Variants in SDHB observed in about 807,000 individuals in gnomAD.
SDHB encodes the protein succinate dehydrogenase complex iron sulfur subunit B.
SDHB carries 21 observed loss-of-function variants against 39.7 expected under a neutral mutation model. The ratio of observed to expected loss-of-function variants is 0.53; its 90% CI spans 0.37 to 0.76. SDHB has a LOEUF of 0.76. Ranked by LOEUF, SDHB falls within the 30% of genes least tolerant of loss-of-function variation. The pLI, the probability that SDHB is intolerant of heterozygous loss-of-function variation, is 0.00. For missense variants in SDHB, 343 were observed against 350.9 expected, an observed-to-expected ratio of 0.98 and a Z score of 0.18; for synonymous variants, 118 against 117.0, an observed-to-expected ratio of 1.01 and a Z score of -0.06.
chr1:17,051,562 T>C (rs755749459), intron 1 of SDHB, among the ~76,000 whole-genome samples: 3 of 152,186 alleles, frequency 2.0e-5, no homozygotes, highest in Admixed American at 6.5e-5. Context: ...AAAAGTGTGA[T>C]TGGTGATGCT....
At chr1:17,037,305 T>TC in intron 2 of SDHB, among the ~76,000 whole-genome samples, 1 of 145,160 alleles carries the variant, frequency 6.9e-6, no homozygotes, top group South Asian at 2.1e-4. Flanking sequence ...TATTTTCTTT[T>TC]CTTTTTTTTT....
chr1:17,018,722 T>C lies in SDHB; in HGVS notation c.*159A>G, dbSNP rs75557632. On this transcript the variant is annotated 3_prime_UTR_variant, in exon 8 of 8. Transcript: ENST00000375499. ...CTGCGGCAAGTAAAGGAACAGGTTCTTTTTTTTTTGTTAATAAAGTAGAAT... is the reference window on the plus strand; with the variant it reads ...CTGCGGCAAGTAAAGGAACAGGTTCCTTTTTTTTTGTTAATAAAGTAGAAT... 4.4e-6 allele frequency: 2 copies of C among 459,486 alleles called. No individual in the cohort carries two copies. The highest frequency in any genetic ancestry group is 3.9e-6 in the Non-Finnish European group (1 of 256,438). The allele number at this position is 459,486 out of a possible 1,614,324, so 28.5% of individuals were successfully genotyped here. A position where few individuals can be genotyped will look rare whatever the true frequency, so the allele number is the denominator to read the frequency against.
chr1:17,024,282 T>C (rs2077980290), intron 5 of SDHB, among the ~76,000 whole-genome samples: 2 of 151,994 alleles, frequency 1.3e-5, no homozygotes, highest in African/African-American at 2.4e-5. Flanking sequence ...CTGCCCAGGG[T>C]TCTTAAATCC....
chr1:17,045,736 T>G (rs2101542670), intron 1 of SDHB, among the ~76,000 whole-genome samples: 1 of 152,342 alleles, frequency 6.6e-6, no homozygotes, highest in South Asian at 2.1e-4. Flanking sequence ...GTGGTGTTTA[T>G]TACTGAGGCA....
At chr1:17,040,847 C>T (rs1042730756) in intron 2 of SDHB, among the ~76,000 whole-genome samples, 3 of 151,588 alleles carry the variant, frequency 2.0e-5, no homozygotes, top group South Asian at 2.1e-4. Context: ...CAGATAATTT[C>T]GGCCGGGCAT....
chr1:17,028,869 G>T, intron 3 of SDHB, 133 bp from the exon 4 acceptor site: 1 of 1,102,284 alleles, frequency 9.1e-7, no homozygotes, highest in Non-Finnish European at 1.4e-6. Flanking sequence ...TGACAGAGGT[G>T]CCTGTTGGCT....
chr1:17,052,397 A>C (rs1021620628), intron 1 of SDHB: 2 of 152,210 alleles, frequency 1.3e-5, no homozygotes, highest in African/African-American at 4.8e-5. Context: ...GTACATTCCC[A>C]CAAGGAAGGG....
rs781619240 is a variant in SDHB, at chr1:17,051,482, TAGAG to T, written c.72+2462_72+2465del. ...GAGGCCAGAGAAGAAGGTGGGGAAA[TAGAG>T]AGGAAGAAAGCAAAAAGGACTGTAT... On this transcript the variant is annotated intron_variant, in intron 1 of 7. Transcript: ENST00000375499. 2.1e-4 allele frequency among the ~76,000 whole-genome samples: 32 copies of T among 151,824 alleles called. 1 individual carries two copies. The highest frequency in any genetic ancestry group is 3.4e-4 in the Non-Finnish European group (23 of 67,964).
At chr1:17,047,312 C>T (rs1017704930) in intron 1 of SDHB, among the ~76,000 whole-genome samples, 10 of 150,848 alleles carry the variant, frequency 6.6e-5, no homozygotes, top group African/African-American at 1.9e-4. Flanking sequence ...GCCAAGATTG[C>T]GCCACTGCAC....
At chr1:17,047,937 C>T (rs955653116) in intron 1 of SDHB, among the ~76,000 whole-genome samples, 8 of 152,096 alleles carry the variant, frequency 5.3e-5, no homozygotes, top group Non-Finnish European at 1.0e-4. Context: ...GCCTGGCCCT[C>T]CCGAAGAGTT....
At chr1:17,039,372 C>T (rs1423634978) in intron 2 of SDHB, among the ~76,000 whole-genome samples, 5 of 149,554 alleles carry the variant, frequency 3.3e-5, no homozygotes, top group Admixed American at 1.3e-4. Flanking sequence ...ACTGCTTGAG[C>T]CCAGGAGACC....
At chr1:17,038,761 AT>A (rs2078063103) in intron 2 of SDHB, among the ~76,000 whole-genome samples, 1 of 152,228 alleles carries the variant, frequency 6.6e-6, no homozygotes, top group South Asian at 2.1e-4. Context: ...TTTAAGTAAA[AT>A]TAGGACTATT....
At chr1:17,040,853 G>T (rs562684491) in intron 2 of SDHB, among the ~76,000 whole-genome samples, 1 of 152,208 alleles carries the variant, frequency 6.6e-6, no homozygotes, top group African/African-American at 2.4e-5. Context: ...ATTTCGGCCG[G>T]GCATGGTGGC....
At chr1:17,027,719 A>T (rs759889622) in intron 5 of SDHB, 30 bp downstream of exon 5, 1 of 1,265,688 alleles carries the variant, frequency 7.9e-7, no homozygotes, top group South Asian at 1.2e-5. Context: ...TAAATTCTTC[A>T]GATTGAAACA....
chr1:17,039,196 T>C (rs748729313), intron 2 of SDHB, among the ~76,000 whole-genome samples: 3 of 152,080 alleles, frequency 2.0e-5, no homozygotes, highest in Non-Finnish European at 4.4e-5. Flanking sequence ...TCTTTTCTTA[T>C]TCTAAGTAAT....
At chr1:17,031,225 A>T (rs1490600271) in intron 3 of SDHB, among the ~76,000 whole-genome samples, 2 of 152,198 alleles carry the variant, frequency 1.3e-5, no homozygotes, top group Non-Finnish European at 2.9e-5. Context: ...GATATTATCA[A>T]TACATTTATG....
intron 1 of SDHB, chr1:17,052,611 A>G (rs999351969): frequency 6.6e-6 from 1 of 152,284 alleles, no homozygotes; most frequent in African/African-American, 2.4e-5. Context: ...CAAGCTCATT[A>G]TCAATCATCA....
At chr1:17,023,409 A>G (rs1006480259) in intron 6 of SDHB, among the ~76,000 whole-genome samples, 10 of 152,236 alleles carry the variant, frequency 6.6e-5, no homozygotes, top group Middle Eastern at 3.2e-3. Flanking sequence ...TTTGTGGGAA[A>G]ATGAGAAAGA....
intron 3 of SDHB, among the ~76,000 whole-genome samples, chr1:17,032,190 GTAATTATATTTTTCTTT>G (rs888216149): frequency 6.6e-6 from 1 of 151,224 alleles, no homozygotes; most frequent in Non-Finnish European, 1.5e-5. Flanking sequence ...ACCATCATTA[GTAATTATATTTTTCTTT>G]TTTTTTTTTT....
Sources: allele counts gnomAD v4.1 joint callset (sites outside exome capture counted in the v4.1 genomes callset), GRCh38; gene constraint gnomAD v4.1.1; transcripts MANE v1.5; gene names NCBI Gene and HGNC (gene_info 2026-07-23, HGNC 2026-07-21).